The following ZNF106 variants were observed in gnomAD, a reference collection of about 807,000 sequenced individuals.
The protein encoded by ZNF106 is SH3-domain binding protein 3.
Under a neutral mutation model 195.1 loss-of-function variants are expected in ZNF106, and 67 were observed. The ratio of observed to expected loss-of-function variants is 0.34; its 90% CI spans 0.28 to 0.42. The LOEUF (loss-of-function observed/expected upper bound fraction) is 0.42, where lower values mean the gene tolerates loss of function less well. Ranked by LOEUF, ZNF106 falls within the 10% of genes least tolerant of loss-of-function variation. The pLI, the probability that ZNF106 is intolerant of heterozygous loss-of-function variation, is 1.00. For synonymous variants in ZNF106, 784 were observed against 818.6 expected, an observed-to-expected ratio of 0.96 and a Z score of 0.72; for missense variants, 2,118 against 2,304.5, an observed-to-expected ratio of 0.92 and a Z score of 1.66.
intron 6 of ZNF106, among the ~76,000 whole-genome samples, chr15:42,446,956 T>C (rs956629388): frequency 1.6e-4 from 24 of 152,342 alleles, no homozygotes; most frequent in African/African-American, 4.3e-4. Flanking sequence ...AGTAGAAGTA[T>C]AGACAAAGCC....
chr15:42,455,787 T>A (rs76008547), intron 4 of ZNF106, among the ~76,000 whole-genome samples: 2,073 of 152,282 alleles, frequency 0.014, 29 homozygotes, highest in Non-Finnish European at 0.021. Flanking sequence ...CAAAGAAGAA[T>A]CTTTAAATTT....
chr15:42,440,060 A>T (rs1367235156), intron 10 of ZNF106, among the ~76,000 whole-genome samples: 1 of 152,140 alleles, frequency 6.6e-6, no homozygotes, highest in Non-Finnish European at 1.5e-5. Flanking sequence ...GTGGGGAGGG[A>T]TTGTTTCTAT....
At chr15:42,424,525 G>A (rs1595435043) in intron 16 of ZNF106, 2 of 318,880 alleles carry the variant, frequency 6.3e-6, no homozygotes, top group East Asian at 1.2e-4. Context: ...TCACTCTGTT[G>A]CCCATGCTAG....
At chr15:42,472,141 T>G (rs557582724) in intron 2 of ZNF106, 95 bp downstream of exon 2, 1 of 1,182,748 alleles carries the variant, frequency 8.5e-7, no homozygotes, top group East Asian at 2.7e-5. Flanking sequence ...TTCCTATTAA[T>G]AACATATGTC....
At chr15:42,476,035 T>C (rs550577943) in intron 1 of ZNF106, among the ~76,000 whole-genome samples, 2 of 152,342 alleles carry the variant, frequency 1.3e-5, no homozygotes, top group Non-Finnish European at 2.9e-5. Context: ...TACAATATAA[T>C]AGAAATACTC....
At position 42,413,029 on chromosome 15, in the gene ZNF106, G is replaced by A. The variant is rs898238619; in HGVS notation, c.*4275C>T. ...ACCAAGGGTGCTGGAGCAGCTCTAG[G>A]GCATATATTTCTCTTAAATAGGAGA... On this transcript the variant is annotated 3_prime_UTR_variant, in exon 22 of 22. Coordinates refer to ENST00000564754, the MANE Select transcript of ZNF106 (RefSeq NM_001366845.3). 7.2e-5 allele frequency: 11 copies of A among 151,930 alleles called. No individual in the cohort carries two copies. Among genetic ancestry groups the A allele is most frequent in the African/African-American group, 1.9e-4 (8 of 41,358 alleles). The allele number at this position is 151,930 out of a possible 1,614,324, so 9.4% of individuals were successfully genotyped here. A position where few individuals can be genotyped will look rare whatever the true frequency, so the allele number is the denominator to read the frequency against.
chr15:42,434,634 A>G (rs1385685118), intron 14 of ZNF106, among the ~76,000 whole-genome samples: 1 of 152,212 alleles, frequency 6.6e-6, no homozygotes, highest in East Asian at 1.9e-4. Flanking sequence ...CATCTTTTAA[A>G]GAAATTAAAA....
At position 42,448,365 on chromosome 15, in the gene ZNF106, C is replaced by T; in HGVS notation, c.2842G>A (p.Glu948Lys). Residue 948 changes from glutamate (E) to lysine (K), a missense_variant, in exon 6 of 22, where the codon GAA (glutamate) becomes AAA (lysine). Physicochemically the swap from Glu to Lys is moderately conservative, Grantham distance 56. Transcript: ENST00000564754. Reference protein sequence around the residue: ...TPRAASLRTGERAENVATQRR... With the variant: ...TPRAASLRTGKRAENVATQRR... ...TGGGTAGCAACATTTTCAGCCCTTT[C>T]ACCTGTTCGGAGGGAGGCAGCCCGA... The T allele has an allele frequency of 6.2e-7, 1 of 1,614,156 alleles. No individual in the cohort carries two copies. Among genetic ancestry groups the T allele is most frequent in the Non-Finnish European group, 8.5e-7 (1 of 1,180,036 alleles).
intron 14 of ZNF106, among the ~76,000 whole-genome samples, chr15:42,428,814 A>G (rs1224800009): frequency 6.6e-6 from 1 of 152,046 alleles, no homozygotes; most frequent in Non-Finnish European, 1.5e-5. Context: ...CCCAGGCTGG[A>G]GTGCAGTGGT....
intron 4 of ZNF106, among the ~76,000 whole-genome samples, chr15:42,454,406 T>C (rs1209812196): frequency 6.6e-6 from 1 of 152,122 alleles, no homozygotes; most frequent in Admixed American, 6.5e-5. Flanking sequence ...GACTCAGCTA[T>C]ACTGATATGA....
At chr15:42,460,644 T>C (rs1239770953) in intron 3 of ZNF106, among the ~76,000 whole-genome samples, 1 of 152,174 alleles carries the variant, frequency 6.6e-6, no homozygotes, top group East Asian at 1.9e-4. Context: ...GCAGATCACC[T>C]GAGGTCAGGA....
intron 10 of ZNF106, 119 bp from the exon 11 acceptor site, chr15:42,439,932 G>A: frequency 9.5e-7 from 1 of 1,054,730 alleles, no homozygotes; most frequent in Non-Finnish European, 1.3e-6. Flanking sequence ...TGTTTCAGCT[G>A]GTATCTCACC....
In ZNF106 at chr15:42,451,044, T is replaced by C; in HGVS notation, c.1228A>G (p.Thr410Ala). The change falls in exon 5 of 22, where the codon ACA (threonine) becomes GCA (alanine). Residue 410 changes from threonine (T) to alanine (A), a missense_variant. By Grantham distance (58) the Thr-to-Ala change is moderately conservative (BLOSUM62 0). Transcript: ENST00000564754. ...TCAGTTTGGGGCTCCTGTATTCCTG[T>C]AGTTATCAAGCTAAAATCAAAGAGA... ...KPLFDFSLITTGIQEPQTDET... is the reference protein window; with the variant it reads ...KPLFDFSLITAGIQEPQTDET... 3 of 1,614,242 alleles carry C rather than the reference T, an allele frequency of 1.9e-6. No homozygotes were observed. Among genetic ancestry groups the C allele is most frequent in the Non-Finnish European group, 2.5e-6 (3 of 1,180,048 alleles).
In ZNF106 at chr15:42,414,257, G is replaced by C. The variant is rs1309759551; in HGVS notation, c.*3047C>G. ...AACATTGTGGAAGACATTAAAAAAA[G>C]AAGGCAAAGTTCTGTATAATTTTCA... On this transcript the variant is annotated 3_prime_UTR_variant, in exon 22 of 22. Coordinates refer to ENST00000564754, the MANE Select transcript of ZNF106 (RefSeq NM_001366845.3). 6.6e-6 allele frequency: 1 copy of C among 152,188 alleles called. No individual in the cohort carries two copies. The highest frequency in any genetic ancestry group is 1.5e-5 in the Non-Finnish European group (1 of 68,030). 9.4% of individuals were successfully genotyped at this position (152,188 alleles called of 1,614,324 possible). A position where few individuals can be genotyped will look rare whatever the true frequency, so the allele number is the denominator to read the frequency against.
chr15:42,461,498 C>T (rs1434734235), intron 3 of ZNF106, among the ~76,000 whole-genome samples: 2 of 152,208 alleles, frequency 1.3e-5, no homozygotes, highest in South Asian at 4.1e-4. Context: ...CTCTAACTAC[C>T]CGACAACAGC....
intron 2 of ZNF106, among the ~76,000 whole-genome samples, chr15:42,470,999 A>T (rs979728348): frequency 6.6e-6 from 1 of 152,254 alleles, no homozygotes; most frequent in Admixed American, 6.5e-5. Flanking sequence ...TTGGTGGATC[A>T]TAATCGACCC....
At position 42,450,844 on chromosome 15, in the gene ZNF106, TG is replaced by T; in HGVS notation, c.1427del (p.Pro476HisfsTer62). 6.2e-7 allele frequency: 1 copy of T among 1,613,896 alleles called. No individual in the cohort carries two copies. Among genetic ancestry groups the T allele is most frequent in the Non-Finnish European group, 8.5e-7 (1 of 1,179,966 alleles). ...TPNKMPSLKS[P>X]LLPCPATKSL... ...ATTTAGTGGCTGGACATGGAAGGAG[TG>T]GGGATTTCAATGATGGCATTTTATT... On this transcript the variant is annotated frameshift_variant, in exon 5 of 22. Coordinates refer to ENST00000564754, the MANE Select transcript of ZNF106 (RefSeq NM_001366845.3). LOFTEE classifies it high-confidence loss of function.
In ZNF106 at chr15:42,448,053, C is replaced by T. The variant is rs759499179; in HGVS notation, c.3135+19G>A. On this transcript the variant is annotated intron_variant, in intron 6 of 21. Coordinates refer to ENST00000564754, the MANE Select transcript of ZNF106 (RefSeq NM_001366845.3). ...GCCACATGCGATGTTCTACAAAAAG[C>T]AGAGGGAATTATACTCACTCCAGTG... is the stretch of plus-strand genomic sequence containing the variant. 1.9e-6 allele frequency: 3 copies of T among 1,577,274 alleles called. No individual in the cohort carries two copies. The highest frequency in any genetic ancestry group is 1.7e-6 in the Non-Finnish European group (2 of 1,159,864).
Position 42,458,575 on chromosome 15 carries a change from G to T in ZNF106, c.117-1417C>A, listed in dbSNP as rs180922409. ...ATACAAAAATTAGCCTGGTGTGGTG[G>T]TGTGCACCTGTATTCCCAGCTATTC... On this transcript the variant is annotated intron_variant, in intron 3 of 21. Coordinates refer to ENST00000564754, the MANE Select transcript of ZNF106 (RefSeq NM_001366845.3). Among the ~76,000 whole-genome samples, 450 of 152,076 alleles carry T rather than the reference G, an allele frequency of 3.0e-3. 4 individuals are homozygous for T. Among genetic ancestry groups the T allele is most frequent in the African/African-American group, 0.011 (437 of 41,492 alleles).
Sources: allele counts gnomAD v4.1 joint callset (sites outside exome capture counted in the v4.1 genomes callset), GRCh38; gene constraint gnomAD v4.1.1; transcripts MANE v1.5; gene names NCBI Gene and HGNC (gene_info 2026-07-23, HGNC 2026-07-21).